Variants in VPS41 observed in about 807,000 individuals in gnomAD.
VPS41 encodes vacuolar protein sorting-associated protein 41 homolog.
Under a neutral mutation model 130.9 loss-of-function variants are expected in VPS41, and 85 were observed. The observed-to-expected ratio is 0.65, with a 90% CI of 0.55 to 0.78. The LOEUF (loss-of-function observed/expected upper bound fraction) is 0.78, where lower values mean the gene tolerates loss of function less well. Ranked by LOEUF, VPS41 falls within the 30% of genes least tolerant of loss-of-function variation. VPS41 has a pLI of 0.00. For synonymous variants in VPS41, 335 were observed against 332.9 expected (o/e 1.01, Z -0.07); for missense variants, 874 against 1,018.7 (o/e 0.86, Z 1.93).
At chr7:38,776,909 T>C (rs774400724) in intron 10 of VPS41, 133 bp from the exon 11 acceptor site, 106 of 520,378 alleles carry the variant, frequency 2.0e-4, no homozygotes, top group Non-Finnish European at 3.4e-4. Flanking sequence ...CCGTTGAACA[T>C]ACTTTCATAA....
Position 38,909,142 on chromosome 7 carries a change from T to A in VPS41, c.21+12A>T, listed in dbSNP as rs1431537792. Reference sequence around the variant, plus strand: ...TATCCCTGTGCCCTCAACTACCACCTGCACCCTTTACCTGCTCCTCTGCTT... The same window carrying A: ...TATCCCTGTGCCCTCAACTACCACCAGCACCCTTTACCTGCTCCTCTGCTT... On this transcript the variant is annotated intron_variant, in intron 1 of 28. Transcript: ENST00000310301. 1 of 1,609,234 alleles carries A rather than the reference T, an allele frequency of 6.2e-7. No individual in the cohort carries two copies. The highest frequency in any genetic ancestry group is 2.2e-5 in the East Asian group (1 of 44,626).
intron 2 of VPS41, among the ~76,000 whole-genome samples, chr7:38,886,221 G>A (rs1398919158): frequency 6.6e-6 from 1 of 152,090 alleles, no homozygotes; most frequent in Non-Finnish European, 1.5e-5. Flanking sequence ...TCACAAAAGG[G>A]GTCGGGGGAT....
intron 7 of VPS41, among the ~76,000 whole-genome samples, chr7:38,800,433 G>A (rs1000448254): frequency 2.6e-5 from 4 of 152,038 alleles, no homozygotes; most frequent in Non-Finnish European, 5.9e-5. Flanking sequence ...CTAAATATAT[G>A]AATTTTTTAT....
chr7:38,744,852 A>C (rs1010449395), intron 23 of VPS41, among the ~76,000 whole-genome samples: 3 of 152,214 alleles, frequency 2.0e-5, no homozygotes, highest in Admixed American at 1.3e-4. Flanking sequence ...AAAGAGGCCA[A>C]TGAGAGTGAG....
chr7:38,824,450 C>A (rs1363924850), intron 5 of VPS41, among the ~76,000 whole-genome samples: 2 of 152,144 alleles, frequency 1.3e-5, no homozygotes, highest in Non-Finnish European at 2.9e-5. Flanking sequence ...GAGCAAATAC[C>A]ATTATGCCTG....
At chr7:38,888,280 T>G (rs1786779789) in intron 2 of VPS41, among the ~76,000 whole-genome samples, 2 of 152,038 alleles carry the variant, frequency 1.3e-5, no homozygotes, top group Admixed American at 1.3e-4. Flanking sequence ...TCAGGAGACC[T>G]ACCTCACATG....
intron 23 of VPS41, among the ~76,000 whole-genome samples, chr7:38,744,249 T>C (rs1044469137): frequency 1.3e-5 from 2 of 152,184 alleles, no homozygotes; most frequent in African/African-American, 4.8e-5. Context: ...GAGTTTTTAA[T>C]ATAGTGCATG....
At chr7:38,903,315 G>A (rs927831434) in intron 1 of VPS41, among the ~76,000 whole-genome samples, 3 of 152,194 alleles carry the variant, frequency 2.0e-5, no homozygotes, top group African/African-American at 7.2e-5. Flanking sequence ...GGCCTCAGAG[G>A]TCAGGAGTGG....
At chr7:38,871,473 A>C (rs2116346238) in intron 2 of VPS41, among the ~76,000 whole-genome samples, 1 of 152,354 alleles carries the variant, frequency 6.6e-6, no homozygotes. Flanking sequence ...CTTAAAAGAA[A>C]AAACAAACAA....
chr7:38,899,498 G>C (rs979442166), intron 1 of VPS41, among the ~76,000 whole-genome samples: 2 of 152,140 alleles, frequency 1.3e-5, no homozygotes, highest in African/African-American at 4.8e-5. Flanking sequence ...CACAGTTCCT[G>C]GTTTTAGTCC....
rs537742146 is a variant in VPS41 at position 38,878,633 on chromosome 7, T to C, written c.61-9380A>G. On this transcript the variant is annotated intron_variant, in intron 2 of 28. Transcript: ENST00000310301. ...TTGCAAAAACACAAAGACTGAGTAT[T>C]AGGAAATCTGACGTCATTTGATAAG... Among the ~76,000 whole-genome samples, 4 of 152,252 alleles carry C rather than the reference T, an allele frequency of 2.6e-5. No individual in the cohort carries two copies. The South Asian group carries it at 8.3e-4, about 32-fold the overall frequency.
intron 4 of VPS41, among the ~76,000 whole-genome samples, chr7:38,842,199 A>C: frequency 6.6e-6 from 1 of 152,080 alleles, no homozygotes; most frequent in East Asian, 1.9e-4. Context: ...AAAGTCACTA[A>C]GTCCTATCCT....
At chr7:38,756,472 A>T (rs2115731642) in intron 19 of VPS41, among the ~76,000 whole-genome samples, 1 of 152,318 alleles carries the variant, frequency 6.6e-6, no homozygotes, top group East Asian at 1.9e-4. Flanking sequence ...AAGTTCACTT[A>T]ATTTTAAAAT....
intron 7 of VPS41, among the ~76,000 whole-genome samples, chr7:38,811,683 A>C (rs1784946839): frequency 6.6e-6 from 1 of 151,626 alleles, no homozygotes; most frequent in Non-Finnish European, 1.5e-5. Flanking sequence ...TTCTGTAGTA[A>C]GTGGAAATAA....
chr7:38,786,970 C>T (rs1784449430), intron 10 of VPS41, among the ~76,000 whole-genome samples: 1 of 152,156 alleles, frequency 6.6e-6, no homozygotes, highest in Non-Finnish European at 1.5e-5. Context: ...TTTCAGGTCA[C>T]TGTTTTTTCA....
chr7:38,859,730 T>G (rs1291521847), intron 4 of VPS41, among the ~76,000 whole-genome samples: 2 of 152,178 alleles, frequency 1.3e-5, no homozygotes, highest in African/African-American at 4.8e-5. Flanking sequence ...TTTCTCAGAA[T>G]GCATCCCACT....
intron 4 of VPS41, among the ~76,000 whole-genome samples, chr7:38,848,035 G>A (rs959240280): frequency 3.9e-5 from 6 of 152,190 alleles, no homozygotes; most frequent in African/African-American, 1.4e-4. Context: ...TCACAAATTT[G>A]ACTCTACTTC....
rs115561230 is a variant in VPS41, at chr7:38,825,752, G to A, written c.322-4487C>T. Among the ~76,000 whole-genome samples the A allele has an allele frequency of 2.9e-3, 447 of 152,302 alleles. 2 individuals are homozygous for A. The highest frequency in any genetic ancestry group is 9.5e-3 in the African/African-American group (395 of 41,560). On this transcript the variant is annotated intron_variant, in intron 5 of 28. Transcript: ENST00000310301. Reference sequence around the variant, plus strand: ...AGCTACAAACCAGAGAGCCATGTGAGTACCTTAGAAGTATGTGGTACATGT... The same window carrying A: ...AGCTACAAACCAGAGAGCCATGTGAATACCTTAGAAGTATGTGGTACATGT...
At chr7:38,795,402 C>T (rs1784599851) in intron 9 of VPS41, 63 bp downstream of exon 9, 1 of 1,480,696 alleles carries the variant, frequency 6.8e-7, no homozygotes, top group Non-Finnish European at 9.1e-7. Flanking sequence ...ACTCACAGTC[C>T]TTTGGACCAC....
Sources: gnomAD v4.1 joint callset for allele counts (sites outside exome capture counted in the v4.1 genomes callset) on GRCh38, gnomAD v4.1.1 for gene constraint, MANE v1.5 for transcripts, NCBI Gene and HGNC (gene_info 2026-07-23, HGNC 2026-07-21) for gene names.